The following PRUNE2 variants were observed in gnomAD, a reference collection of about 807,000 sequenced individuals.
PRUNE2 encodes the protein prune homolog 2 with BCH domain.
In PRUNE2, 164 loss-of-function variants were observed where a neutral mutation model predicts 252.0. That is an observed-to-expected ratio of 0.65 (90% CI 0.57 to 0.74). The LOEUF (loss-of-function observed/expected upper bound fraction) is 0.74, where lower values mean the gene tolerates loss of function less well. Ranked by LOEUF, PRUNE2 falls within the 30% of genes least tolerant of loss-of-function variation. PRUNE2 has a pLI of 0.00. For synonymous variants in PRUNE2, 1,292 were observed against 1,350.2 expected (o/e 0.96, Z 0.94); for missense variants, 3,495 against 3,711.0 (o/e 0.94, Z 1.51).
chr9:76,805,718 T>A (rs975955163), intron 6 of PRUNE2, among the ~76,000 whole-genome samples: 11 of 152,244 alleles, frequency 7.2e-5, no homozygotes, highest in African/African-American at 2.2e-4. Context: ...GCTGGCTAAT[T>A]TGTCCAGGCA....
chr9:76,682,130 G>A (rs376436214), intron 9 of PRUNE2, among the ~76,000 whole-genome samples: 11 of 152,054 alleles, frequency 7.2e-5, no homozygotes, highest in African/African-American at 2.7e-4. Flanking sequence ...TTTGGCTCTT[G>A]ATCTTAGCCA....
chr9:76,827,930 C>T (rs1441447105), intron 4 of PRUNE2, among the ~76,000 whole-genome samples: 3 of 152,228 alleles, frequency 2.0e-5, no homozygotes, highest in Admixed American at 6.5e-5. Flanking sequence ...TAAAGCATTT[C>T]ATCCATTCAT....
chr9:76,856,956 G>T, intron 1 of PRUNE2: 1 of 396,210 alleles, frequency 2.5e-6, no homozygotes, highest in South Asian at 1.9e-5. Context: ...GTTTCACCAT[G>T]TTGGCCAGGC....
intron 15 of PRUNE2, 68 bp downstream of exon 15, chr9:76,636,403 A>G: frequency 1.2e-6 from 1 of 824,420 alleles, no homozygotes; most frequent in Non-Finnish European, 2.0e-6. Context: ...TCTTGTTTTT[A>G]GGACAATGAG....
intron 9 of PRUNE2, among the ~76,000 whole-genome samples, chr9:76,664,923 T>C (rs923840535): frequency 1.1e-4 from 16 of 152,188 alleles, no homozygotes; most frequent in African/African-American, 3.9e-4. Context: ...ACTCTTACTT[T>C]CTTTTCTTTC....
At chr9:76,625,374 C>G (rs1011548271) in intron 16 of PRUNE2, among the ~76,000 whole-genome samples, 2 of 152,182 alleles carry the variant, frequency 1.3e-5, no homozygotes, top group Non-Finnish European at 2.9e-5. Context: ...CAGGTTATAG[C>G]AGATAGCCTA....
chr9:76,793,059 C>T (rs1490795357), intron 6 of PRUNE2, among the ~76,000 whole-genome samples: 1 of 152,188 alleles, frequency 6.6e-6, no homozygotes, highest in Non-Finnish European at 1.5e-5. Flanking sequence ...TATAAGGAAT[C>T]CAAATCCAAG....
chr9:76,868,480 G>A (rs2060975383), intron 1 of PRUNE2, among the ~76,000 whole-genome samples: 1 of 152,142 alleles, frequency 6.6e-6, no homozygotes. Flanking sequence ...TGGACAAGGT[G>A]CATACGGGAG....
intron 10 of PRUNE2, among the ~76,000 whole-genome samples, chr9:76,653,109 G>A (rs1353843460): frequency 1.3e-5 from 2 of 152,100 alleles, no homozygotes; most frequent in Non-Finnish European, 2.9e-5. Flanking sequence ...CTCAGCCTTG[G>A]CCATGTAGAA....
chr9:76,701,370 G>T (rs1404284870), intron 9 of PRUNE2, among the ~76,000 whole-genome samples: 1 of 152,196 alleles, frequency 6.6e-6, no homozygotes, highest in East Asian at 1.9e-4. Flanking sequence ...AAAAGTTTCA[G>T]TACTACAAAA....
chr9:76,834,624 C>A (rs1414407320), intron 4 of PRUNE2, among the ~76,000 whole-genome samples: 1 of 152,018 alleles, frequency 6.6e-6, no homozygotes, highest in East Asian at 1.9e-4. Flanking sequence ...TAAACAGAGA[C>A]CTATGGAATA....
intron 9 of PRUNE2, among the ~76,000 whole-genome samples, chr9:76,673,065 G>GA (rs2041832625): frequency 6.6e-6 from 1 of 151,866 alleles, no homozygotes; most frequent in Non-Finnish European, 1.5e-5. Flanking sequence ...GAGCAGAACT[G>GA]AAGGAAATAG....
rs575158532 is a variant in PRUNE2, at chr9:76,635,742, T to G, written c.9050+729A>C. Among the ~76,000 whole-genome samples the G allele has an allele frequency of 3.3e-4, 50 of 152,312 alleles. 1 individual carries two copies. In the South Asian group the frequency reaches 6.6e-3, roughly 20 times the overall value. ...ATTAATAACTTTGAGATGGGAAAAT[T>G]TCAATTAATCTAATCTGTACCCTGA... On this transcript the variant is annotated intron_variant, in intron 15 of 18. Coordinates refer to ENST00000376718, the MANE Select transcript of PRUNE2 (RefSeq NM_015225.3).
chr9:76,680,576 A>G (rs2043314729), intron 9 of PRUNE2, among the ~76,000 whole-genome samples: 2 of 152,260 alleles, frequency 1.3e-5, no homozygotes, highest in African/African-American at 2.4e-5. Flanking sequence ...AGGATCTCAA[A>G]GAGATATTTG....
chr9:76,814,953 C>A (rs1014347550), intron 6 of PRUNE2, among the ~76,000 whole-genome samples: 3 of 152,168 alleles, frequency 2.0e-5, no homozygotes, highest in Non-Finnish European at 2.9e-5. Context: ...CTAGATCAAG[C>A]CAAATAACTG....
chr9:76,629,292 TAAAAA>T lies in PRUNE2; in HGVS notation c.9051-7_9051-3del. 1.7e-6 allele frequency: 2 copies of T among 1,161,078 alleles called. No homozygotes were observed. The highest frequency in any genetic ancestry group is 1.5e-5 in the South Asian group (1 of 68,666). 71.9% of individuals were successfully genotyped at this position (1,161,078 alleles called of 1,614,324 possible). A position where few individuals can be genotyped will look rare whatever the true frequency, so the allele number is the denominator to read the frequency against. ...TTAATTTTACTGCTGAATTTTGAAC[TAAAAA>T]AAAAAAAAAGAAAAAAATATGTATC... On this transcript the variant is annotated splice_region_variant and splice_polypyrimidine_tract_variant and intron_variant, in intron 15 of 18. Coordinates refer to ENST00000376718, the MANE Select transcript of PRUNE2 (RefSeq NM_015225.3).
chr9:76,800,647 G>C (rs2056486077), intron 6 of PRUNE2, among the ~76,000 whole-genome samples: 1 of 152,054 alleles, frequency 6.6e-6, no homozygotes, highest in Non-Finnish European at 1.5e-5. Flanking sequence ...TTTTGATTTT[G>C]TAATTTCCTT....
intron 16 of PRUNE2, among the ~76,000 whole-genome samples, chr9:76,628,336 G>A (rs2132275915): frequency 6.6e-6 from 1 of 152,256 alleles, no homozygotes; most frequent in South Asian, 2.1e-4. Context: ...CGCTGATACT[G>A]CGTTACCCTC....
chr9:76,878,409 G>T (rs1325185642), intron 1 of PRUNE2, among the ~76,000 whole-genome samples: 2 of 152,148 alleles, frequency 1.3e-5, no homozygotes, highest in Non-Finnish European at 2.9e-5. Flanking sequence ...TCTAGAGTCA[G>T]GTCGCTTCTA....
Sources: gnomAD v4.1 joint callset for allele counts (sites outside exome capture counted in the v4.1 genomes callset) on GRCh38, gnomAD v4.1.1 for gene constraint, MANE v1.5 for transcripts, NCBI Gene and HGNC (gene_info 2026-07-23, HGNC 2026-07-21) for gene names.